TBCK: variants seen among roughly 807,000 people sequenced by gnomAD.
The protein encoded by TBCK is TBC domain-containing protein kinase-like protein.
Under a neutral mutation model 113.4 loss-of-function variants are expected in TBCK, and 99 were observed. That is an observed-to-expected ratio of 0.87 (90% CI 0.74 to 1.03). The LOEUF (loss-of-function observed/expected upper bound fraction) is 1.03. TBCK is among the 50% of genes least tolerant of loss of function. TBCK has a pLI of 0.00. For missense variants in TBCK, 1,045 were observed against 1,061.3 expected (o/e 0.98, Z 0.21); for synonymous variants, 369 against 370.8 (o/e 1.00, Z 0.05).
intron 25 of TBCK, among the ~76,000 whole-genome samples, chr4:106,058,492 T>G (rs1030345682): frequency 2.0e-5 from 3 of 151,736 alleles, no homozygotes; most frequent in African/African-American, 7.3e-5. Flanking sequence ...TAAGGAAGAC[T>G]TCCATGAAGA....
intron 17 of TBCK, 70 bp downstream of exon 17, chr4:106,232,867 AT>A (rs374933954): frequency 6.2e-6 from 9 of 1,455,244 alleles, no homozygotes; most frequent in Middle Eastern, 1.8e-4. Flanking sequence ...AGATATTTTA[AT>A]TTTTTTAAAT....
chr4:106,308,909 C>A lies in TBCK; in HGVS notation c.52G>T (p.Ala18Ser), dbSNP rs1212748015. 2.5e-6 allele frequency: 4 copies of A among 1,613,966 alleles called. No individual in the cohort carries two copies. Among genetic ancestry groups the A allele is most frequent in the Non-Finnish European group, 2.5e-6 (3 of 1,180,022 alleles). The change falls in exon 2 of 26, where the codon GCT becomes TCT. Residue 18 changes from alanine (A) to serine (S), a missense_variant. Physicochemically the swap from Ala to Ser is moderately conservative, Grantham distance 99. Coordinates refer to ENST00000394708, the MANE Select transcript of TBCK (RefSeq NM_001163435.3). The stretch of plus-strand genomic sequence containing the variant: ...CTTCCACAAACATCATGTGGCAGAG[C>A]CGAGGCAAAGAAGGTAAAGGCTCCC... ...EMGAFTFFAS[A>S]LPHDVCGSNG... is the part of the protein sequence containing the mutation.
chr4:106,234,909 A>G (rs373162935), intron 15 of TBCK, among the ~76,000 whole-genome samples: 2 of 152,228 alleles, frequency 1.3e-5, no homozygotes, highest in South Asian at 2.1e-4. Context: ...GATTTCTCCA[A>G]ATTTAGACAG....
intron 11 of TBCK, among the ~76,000 whole-genome samples, chr4:106,243,204 G>A (rs1441545151): frequency 6.6e-6 from 1 of 152,062 alleles, no homozygotes; most frequent in Non-Finnish European, 1.5e-5. Flanking sequence ...ATGAATGTAA[G>A]TATAGAGAAT....
chr4:106,103,481 T>C (rs1433866906), intron 24 of TBCK, among the ~76,000 whole-genome samples: 1 of 152,240 alleles, frequency 6.6e-6, no homozygotes, highest in Non-Finnish European at 1.5e-5. Context: ...AGAGACCAGA[T>C]AGGCACCTGT....
intron 24 of TBCK, among the ~76,000 whole-genome samples, chr4:106,106,901 C>T (rs1418061308): frequency 6.6e-6 from 1 of 152,022 alleles, no homozygotes; most frequent in Non-Finnish European, 1.5e-5. Flanking sequence ...CTATCTCACA[C>T]ATAATGACAC....
intron 22 of TBCK, among the ~76,000 whole-genome samples, chr4:106,178,181 A>T (rs1015271686): frequency 3.3e-5 from 5 of 152,042 alleles, no homozygotes; most frequent in Admixed American, 6.6e-5. Flanking sequence ...TTTGTATCCC[A>T]ATTTACTGAA....
chr4:106,111,703 GT>G (rs1742877918), intron 24 of TBCK, among the ~76,000 whole-genome samples: 1 of 152,164 alleles, frequency 6.6e-6, no homozygotes, highest in South Asian at 2.1e-4. Context: ...CAGTTAAGAG[GT>G]TTAATCATAG....
chr4:106,236,542 T>TAAA, intron 13 of TBCK, 23 bp from the exon 14 acceptor site: 12 of 1,219,212 alleles, frequency 9.8e-6, no homozygotes, highest in Admixed American at 3.1e-5. Flanking sequence ...ACAAAAGCAA[T>TAAA]AAAAAAAAAA....
At chr4:106,169,186 G>C (rs558352504) in intron 23 of TBCK, among the ~76,000 whole-genome samples, 6 of 152,052 alleles carry the variant, frequency 3.9e-5, no homozygotes, top group Non-Finnish European at 7.4e-5. Flanking sequence ...ATAGCAGCAA[G>C]TTATTTTGTA....
intron 23 of TBCK, among the ~76,000 whole-genome samples, chr4:106,152,209 C>T (rs917965213): frequency 1.3e-4 from 19 of 151,928 alleles, no homozygotes; most frequent in African/African-American, 4.3e-4. Context: ...ACATCATGCT[C>T]ATTATGGTCC....
intron 25 of TBCK, among the ~76,000 whole-genome samples, chr4:106,090,860 A>C (rs1578863913): frequency 6.6e-6 from 1 of 152,226 alleles, no homozygotes; most frequent in East Asian, 1.9e-4. Flanking sequence ...TTTATTGTCC[A>C]TACAGCTATC....
chr4:106,201,544 C>A (rs942062763), intron 20 of TBCK, among the ~76,000 whole-genome samples: 1 of 152,006 alleles, frequency 6.6e-6, no homozygotes, highest in African/African-American at 2.4e-5. Flanking sequence ...TAGTGCTATT[C>A]TACACAGTCA....
chr4:106,174,094 C>T (rs1751344049), intron 22 of TBCK, among the ~76,000 whole-genome samples: 1 of 152,074 alleles, frequency 6.6e-6, no homozygotes, highest in African/African-American at 2.4e-5. Flanking sequence ...GAAAAGACAG[C>T]TTTCCTGAGC....
intron 24 of TBCK, among the ~76,000 whole-genome samples, chr4:106,111,822 T>G (rs28786397): frequency 0.063 from 9,546 of 152,254 alleles, 350 homozygotes; most frequent in Non-Finnish European, 0.08. Flanking sequence ...GCAACTTACA[T>G]ACCTTAAATG....
intron 23 of TBCK, among the ~76,000 whole-genome samples, chr4:106,121,689 G>A: frequency 6.6e-6 from 1 of 152,108 alleles, no homozygotes; most frequent in East Asian, 1.9e-4. Context: ...AGACCACAGT[G>A]CAATCAAACT....
At chr4:106,112,518 G>A (rs7671145) in intron 24 of TBCK, among the ~76,000 whole-genome samples, 35,173 of 152,020 alleles carry the variant, frequency 0.23, 4,132 homozygotes, top group South Asian at 0.27. Flanking sequence ...GCGCTCAGAG[G>A]GCTGAGATTG....
intron 12 of TBCK, among the ~76,000 whole-genome samples, chr4:106,240,920 T>C (rs1041083248): frequency 6.6e-6 from 1 of 152,020 alleles, no homozygotes; most frequent in East Asian, 1.9e-4. Context: ...ATGACAAATA[T>C]TTTTAGCTTT....
intron 25 of TBCK, among the ~76,000 whole-genome samples, chr4:106,078,453 T>C (rs1738481199): frequency 6.6e-6 from 1 of 152,064 alleles, no homozygotes; most frequent in Admixed American, 6.5e-5. Context: ...AAAGGTGACA[T>C]TTCAACCAAC....
Sources: allele counts gnomAD v4.1 joint callset (sites outside exome capture counted in the v4.1 genomes callset), GRCh38; gene constraint gnomAD v4.1.1; transcripts MANE v1.5; gene names NCBI Gene and HGNC (gene_info 2026-07-23, HGNC 2026-07-21).